Variants in SLC16A7 observed in about 807,000 individuals in gnomAD.
SLC16A7 encodes solute carrier family 16 member 7.
Under a neutral mutation model 34.9 loss-of-function variants are expected in SLC16A7, and 33 were observed. That is an observed-to-expected ratio of 0.94 (90% CI 0.72 to 1.26). The LOEUF (loss-of-function observed/expected upper bound fraction) is 1.26, where lower values mean the gene tolerates loss of function less well. SLC16A7 is among the 50% of genes most tolerant of loss of function. The pLI is 0.00. For missense variants in SLC16A7, 573 were observed against 578.1 expected (o/e 0.99, Z 0.09); for synonymous variants, 201 against 206.6 (o/e 0.97, Z 0.23).
At chr12:59,730,584 G>A (rs946511183) in intron 3 of SLC16A7, among the ~76,000 whole-genome samples, 4 of 152,090 alleles carry the variant, frequency 2.6e-5, no homozygotes, top group Non-Finnish European at 5.9e-5. Context: ...GAAAGACATT[G>A]GGATTGACTT....
At chr12:59,734,296 G>T (rs941911994) in intron 3 of SLC16A7, 1 of 159,884 alleles carries the variant, frequency 6.3e-6, no homozygotes, top group African/African-American at 2.4e-5. Context: ...AGGCAGGATT[G>T]GCATGTCAAC....
intron 1 of SLC16A7, among the ~76,000 whole-genome samples, chr12:59,607,932 T>G (rs538590414): frequency 6.6e-6 from 1 of 152,270 alleles, no homozygotes; most frequent in East Asian, 1.9e-4. Flanking sequence ...AATGAAAAAC[T>G]TTTTGAGCTA....
intron 2 of SLC16A7, among the ~76,000 whole-genome samples, chr12:59,701,684 T>G (rs1247451105): frequency 6.6e-6 from 1 of 151,790 alleles, no homozygotes. Context: ...ACCTCTTTAC[T>G]TTCCTATGGG....
chr12:59,755,475 A>G (rs1358489184), intron 3 of SLC16A7, among the ~76,000 whole-genome samples: 1 of 152,214 alleles, frequency 6.6e-6, no homozygotes, highest in Non-Finnish European at 1.5e-5. Flanking sequence ...ACAAACAGAG[A>G]GCCAAATCAT....
Position 59,775,395 on chromosome 12 carries a change from G to C in SLC16A7, c.1100G>C (p.Gly367Ala). The part of the protein sequence containing the change: ...VLFETLMDLV[G>A]APRFSSAVGL... The stretch of plus-strand genomic sequence containing the variant: ...TTTGAAACTCTCATGGACCTCGTGG[G>C]TGCACCAAGATTTTCCAGTGCCGTC... Residue 367 changes from glycine (G) to alanine (A), a missense_variant, in exon 5 of 6, where the codon GGT becomes GCT. By Grantham distance (60) the Gly-to-Ala change is moderately conservative. Coordinates refer to ENST00000547379, the MANE Select transcript of SLC16A7 (RefSeq NM_001270623.2). 2 of 1,614,074 alleles carry C rather than the reference G, an allele frequency of 1.2e-6. No individual in the cohort carries two copies. The highest frequency in any genetic ancestry group is 1.7e-6 in the Non-Finnish European group (2 of 1,179,982).
At position 59,786,175 on chromosome 12, in the gene SLC16A7, T is replaced by TA. The variant is rs1883607831; in HGVS notation, c.*6499dup. On this transcript the variant is annotated 3_prime_UTR_variant, in exon 6 of 6. Transcript: ENST00000547379. The stretch of plus-strand genomic sequence containing the variant: ...CATTGTGCACATGTACCCTAAAACT[T>TA]AAAGTATAATAATAATAAATAAAAT... 6.8e-6 allele frequency: 1 copy of TA among 147,862 alleles called. No individual in the cohort carries two copies. Among genetic ancestry groups the TA allele is most frequent in the African/African-American group, 2.6e-5 (1 of 38,382 alleles). The allele number at this position is 147,862 out of a possible 1,614,324, so 9.2% of individuals were successfully genotyped here.
intron 1 of SLC16A7, among the ~76,000 whole-genome samples, chr12:59,619,251 G>T (rs1402930751): frequency 2.6e-5 from 4 of 151,914 alleles, no homozygotes; most frequent in Admixed American, 6.6e-5. Flanking sequence ...TTAATATCAT[G>T]CATTGTATTA....
At chr12:59,688,926 A>G (rs1205845144) in intron 2 of SLC16A7, among the ~76,000 whole-genome samples, 1 of 152,016 alleles carries the variant, frequency 6.6e-6, no homozygotes, top group Non-Finnish European at 1.5e-5. Flanking sequence ...TAAGTACTGT[A>G]TATATTATGC....
At chr12:59,762,978 T>C in intron 3 of SLC16A7, among the ~76,000 whole-genome samples, 1 of 152,258 alleles carries the variant, frequency 6.6e-6, no homozygotes, top group Middle Eastern at 3.4e-3. Flanking sequence ...TTAAGTATTT[T>C]TAATTCATTT....
At chr12:59,674,217 G>A (rs1343082700) in intron 2 of SLC16A7, among the ~76,000 whole-genome samples, 2 of 152,110 alleles carry the variant, frequency 1.3e-5, no homozygotes, top group Non-Finnish European at 2.9e-5. Flanking sequence ...GATAATTCTA[G>A]CAGGGAAAAG....
At chr12:59,692,637 A>T (rs902495637) in intron 2 of SLC16A7, among the ~76,000 whole-genome samples, 1 of 151,860 alleles carries the variant, frequency 6.6e-6, no homozygotes, top group Non-Finnish European at 1.5e-5. Context: ...GGTTTATATT[A>T]TTTTTTTCTA....
At position 59,771,297 on chromosome 12, in the gene SLC16A7, G is replaced by T; in HGVS notation, c.296G>T (p.Gly99Val). The change falls in exon 4 of 6, where the codon GGA (glycine) becomes GTA (valine). Residue 99 changes from glycine to valine, a missense_variant. Coordinates refer to ENST00000547379, the MANE Select transcript of SLC16A7 (RefSeq NM_001270623.2). ...VIAGGLLCCL[G>V]MVLASFSSSV... is the part of the protein sequence containing the mutation. ...GCAGGAGGCTTATTATGCTGTCTTG[G>T]AATGGTGTTGGCCTCCTTTAGTAGC... is the stretch of plus-strand genomic sequence containing the variant. 6.2e-7 allele frequency: 1 copy of T among 1,613,498 alleles called. No individual in the cohort carries two copies. The highest frequency in any genetic ancestry group is 1.1e-5 in the South Asian group (1 of 91,052).
At chr12:59,752,224 C>T (rs1463529755) in intron 3 of SLC16A7, among the ~76,000 whole-genome samples, 1 of 152,294 alleles carries the variant, frequency 6.6e-6, no homozygotes, top group Non-Finnish European at 1.5e-5. Context: ...GAACGCAGCT[C>T]CTCACCAGCA....
At chr12:59,616,891 AC>A (rs1344067810) in intron 1 of SLC16A7, among the ~76,000 whole-genome samples, 1 of 152,114 alleles carries the variant, frequency 6.6e-6, no homozygotes, top group Admixed American at 6.6e-5. Context: ...TAGCATCATT[AC>A]CCCATTAAAA....
chr12:59,708,267 G>A (rs1175472076), intron 3 of SLC16A7, among the ~76,000 whole-genome samples: 4 of 151,978 alleles, frequency 2.6e-5, no homozygotes, highest in Non-Finnish European at 2.9e-5. Flanking sequence ...TCTGAGTCAT[G>A]AGTCTTGTTA....
chr12:59,695,710 T>C (rs1872209943), intron 2 of SLC16A7, among the ~76,000 whole-genome samples: 1 of 152,042 alleles, frequency 6.6e-6, no homozygotes, highest in Non-Finnish European at 1.5e-5. Context: ...GGTTATTTAA[T>C]TCAAAGTATT....
chr12:59,639,858 CA>C (rs1380376777), intron 1 of SLC16A7, among the ~76,000 whole-genome samples: 9 of 152,282 alleles, frequency 5.9e-5, no homozygotes, highest in African/African-American at 2.2e-4. Context: ...GTTAAGGGCT[CA>C]ATCTCACAAT....
chr12:59,705,623 T>C (rs1009539368), intron 3 of SLC16A7, among the ~76,000 whole-genome samples: 5 of 152,166 alleles, frequency 3.3e-5, no homozygotes, highest in Admixed American at 3.3e-4. Flanking sequence ...TGAAGGATAA[T>C]GAAGAAATCA....
chr12:59,673,527 A>G (rs528204670), intron 2 of SLC16A7, among the ~76,000 whole-genome samples: 1 of 149,170 alleles, frequency 6.7e-6, no homozygotes, highest in African/African-American at 2.5e-5. Flanking sequence ...AATTTTTGTT[A>G]GCAATAAAAT....
Sources: allele counts gnomAD v4.1 joint callset (sites outside exome capture counted in the v4.1 genomes callset), GRCh38; gene constraint gnomAD v4.1.1; transcripts MANE v1.5; gene names NCBI Gene and HGNC (gene_info 2026-07-23, HGNC 2026-07-21).